Variants in ST6GALNAC3 observed in about 807,000 individuals in gnomAD.
ST6GALNAC3 encodes alpha-N-acetylgalactosaminide alpha-2,6-sialyltransferase 3.
Under a neutral mutation model 32.7 loss-of-function variants are expected in ST6GALNAC3, and 25 were observed. The ratio of observed to expected loss-of-function variants is 0.76; its 90% CI spans 0.56 to 1.07. ST6GALNAC3 has a LOEUF of 1.07. Ranked by LOEUF, ST6GALNAC3 falls within the 50% of genes least tolerant of loss-of-function variation. The pLI, the probability that ST6GALNAC3 is intolerant of heterozygous loss-of-function variation, is 0.00. For missense variants in ST6GALNAC3, 355 were observed against 382.4 expected, an observed-to-expected ratio of 0.93 and a Z score of 0.60; for synonymous variants, 129 against 133.1, an observed-to-expected ratio of 0.97 and a Z score of 0.21.
intron 3 of ST6GALNAC3, among the ~76,000 whole-genome samples, chr1:76,623,707 T>C (rs1051700492): frequency 5.9e-5 from 9 of 152,008 alleles, no homozygotes; most frequent in African/African-American, 2.2e-4. Flanking sequence ...ATAAACAATT[T>C]CACATACATC....
At chr1:76,432,693 G>A (rs1206279846) in intron 3 of ST6GALNAC3, among the ~76,000 whole-genome samples, 2 of 151,964 alleles carry the variant, frequency 1.3e-5, no homozygotes, top group Admixed American at 6.6e-5. Context: ...CTGGGCTTAA[G>A]TGACCCTCCC....
At chr1:76,265,556 T>C (rs754179876) in intron 1 of ST6GALNAC3, among the ~76,000 whole-genome samples, 2 of 152,194 alleles carry the variant, frequency 1.3e-5, no homozygotes, top group Non-Finnish European at 2.9e-5. Flanking sequence ...CCCTCAGCTC[T>C]TTATTACAAA....
At chr1:76,579,063 T>C (rs1646854009) in intron 3 of ST6GALNAC3, among the ~76,000 whole-genome samples, 1 of 152,072 alleles carries the variant, frequency 6.6e-6, no homozygotes, top group African/African-American at 2.4e-5. Flanking sequence ...CAGACTATTA[T>C]ATGTCTGGTA....
intron 3 of ST6GALNAC3, among the ~76,000 whole-genome samples, chr1:76,537,206 A>G (rs925786807): frequency 1.2e-4 from 18 of 152,192 alleles, no homozygotes; most frequent in African/African-American, 3.9e-4. Context: ...ACAAAATTAC[A>G]TGGAAATTTG....
intron 3 of ST6GALNAC3, among the ~76,000 whole-genome samples, chr1:76,546,884 A>G (rs1664331603): frequency 6.6e-6 from 1 of 152,224 alleles, no homozygotes; most frequent in Non-Finnish European, 1.5e-5. Context: ...AGGGAAGCTC[A>G]GGCAATTTGG....
chr1:76,164,535 A>T (rs936434482), intron 1 of ST6GALNAC3, among the ~76,000 whole-genome samples: 6 of 152,170 alleles, frequency 3.9e-5, no homozygotes, highest in Non-Finnish European at 8.8e-5. Context: ...AAGGGCATGT[A>T]TGTTTGTCTA....
chr1:76,489,332 T>C (rs1451891910), intron 3 of ST6GALNAC3, among the ~76,000 whole-genome samples: 2 of 152,066 alleles, frequency 1.3e-5, no homozygotes, highest in African/African-American at 4.8e-5. Flanking sequence ...ATTCAACAAA[T>C]ATTTATTGAG....
chr1:76,244,315 TG>T (rs1399650479), intron 1 of ST6GALNAC3, among the ~76,000 whole-genome samples: 1 of 152,236 alleles, frequency 6.6e-6, no homozygotes, highest in East Asian at 1.9e-4. Context: ...GAGACCTTGC[TG>T]AAGTTGCTTA....
intron 1 of ST6GALNAC3, among the ~76,000 whole-genome samples, chr1:76,085,804 A>G (rs1253963288): frequency 1.3e-5 from 2 of 152,230 alleles, no homozygotes; most frequent in African/African-American, 2.4e-5. Context: ...AGTTATGGAA[A>G]TTGCAGAGCA....
At chr1:76,289,700 G>A (rs12127832) in intron 1 of ST6GALNAC3, among the ~76,000 whole-genome samples, 47,744 of 152,134 alleles carry the variant, frequency 0.31, 8,579 homozygotes, top group Non-Finnish European at 0.41. Flanking sequence ...TCCCAAAAGA[G>A]GTTTACATGT....
At chr1:76,263,202 G>A (rs1281789150) in intron 1 of ST6GALNAC3, among the ~76,000 whole-genome samples, 2 of 152,204 alleles carry the variant, frequency 1.3e-5, no homozygotes, top group Admixed American at 6.5e-5. Context: ...TTGGGTGAAT[G>A]ATTTAATCTC....
chr1:76,589,571 G>A (rs1001311936), intron 3 of ST6GALNAC3, among the ~76,000 whole-genome samples: 6 of 151,864 alleles, frequency 4.0e-5, no homozygotes, highest in Admixed American at 6.6e-5. Context: ...AAAATGGGCC[G>A]TTAAAATAAT....
chr1:76,291,349 GCTC>G, intron 1 of ST6GALNAC3, among the ~76,000 whole-genome samples: 1 of 152,358 alleles, frequency 6.6e-6, no homozygotes, highest in South Asian at 2.1e-4. Context: ...GCATCCTGCA[GCTC>G]CTCTGTCAGA....
At chr1:76,229,994 T>C (rs368739529) in intron 1 of ST6GALNAC3, among the ~76,000 whole-genome samples, 150 of 152,306 alleles carry the variant, frequency 9.8e-4, no homozygotes, top group African/African-American at 3.5e-3. Context: ...CTCAAAAGAT[T>C]TGGAAATAGG....
intron 3 of ST6GALNAC3, among the ~76,000 whole-genome samples, chr1:76,435,331 CAA>C (rs1459182152): frequency 6.6e-6 from 1 of 151,916 alleles, no homozygotes; most frequent in Non-Finnish European, 1.5e-5. Flanking sequence ...GTGGGGAAAA[CAA>C]ATGATTAAAT....
At chr1:76,144,035 T>C (rs1650514277) in intron 1 of ST6GALNAC3, among the ~76,000 whole-genome samples, 1 of 152,172 alleles carries the variant, frequency 6.6e-6, no homozygotes, top group African/African-American at 2.4e-5. Flanking sequence ...AGTGGATCTG[T>C]GTAAATAGCT....
intron 3 of ST6GALNAC3, among the ~76,000 whole-genome samples, chr1:76,486,155 A>G: frequency 6.6e-6 from 1 of 152,128 alleles, no homozygotes; most frequent in Non-Finnish European, 1.5e-5. Flanking sequence ...TATGTGGTCA[A>G]TTTTGGAATA....
chr1:76,607,214 G>A (rs944671648), intron 3 of ST6GALNAC3, among the ~76,000 whole-genome samples: 2 of 152,150 alleles, frequency 1.3e-5, no homozygotes, highest in Admixed American at 6.5e-5. Flanking sequence ...ATGTGAGAAC[G>A]GGAGCTGTAT....
chr1:76,181,147 C>A (rs1351021514), intron 1 of ST6GALNAC3, among the ~76,000 whole-genome samples: 1 of 152,196 alleles, frequency 6.6e-6, no homozygotes, highest in East Asian at 1.9e-4. Flanking sequence ...GGGGTTTGAG[C>A]GATGGTGGTG....
Sources: gnomAD v4.1 joint callset for allele counts (sites outside exome capture counted in the v4.1 genomes callset) on GRCh38, gnomAD v4.1.1 for gene constraint, MANE v1.5 for transcripts, NCBI Gene and HGNC (gene_info 2026-07-23, HGNC 2026-07-21) for gene names.